TRIM16: variants seen among roughly 807,000 people sequenced by gnomAD.
The protein encoded by TRIM16 is tripartite motif-containing protein 16.
In TRIM16, 33 loss-of-function variants were observed where a neutral mutation model predicts 50.4. The ratio of observed to expected loss-of-function variants is 0.65; its 90% CI spans 0.50 to 0.88. TRIM16 has a LOEUF of 0.88. TRIM16 is among the 40% of genes least tolerant of loss of function. The probability of loss-of-function intolerance (pLI) is 0.00; values close to 1 mark genes in which losing one functional copy is unlikely to be tolerated. For missense variants in TRIM16, 581 were observed against 686.8 expected, an observed-to-expected ratio of 0.85 and a Z score of 1.72; for synonymous variants, 229 against 270.7, an observed-to-expected ratio of 0.85 and a Z score of 1.51.
chr17:15,651,676 C>A lies in TRIM16; in HGVS notation c.-67G>T. On this transcript the variant is annotated 5_prime_UTR_variant, in exon 7 of 12. An upstream open reading frame in the 5' UTR loses its in-frame stop. Coordinates refer to ENST00000649191, the MANE Select transcript of TRIM16 (RefSeq NM_001348119.1). ...GGCCCAGGATCTGTGCAGCCCAAGT[C>A]AGACAAGAGAACCACGCCTAGATGA... 1.3e-6 allele frequency: 2 copies of A among 1,566,872 alleles called. No individual in the cohort carries two copies. The highest frequency in any genetic ancestry group is 2.3e-5 in the South Asian group (2 of 86,816).
chr17:15,674,374 A>C (rs1988841015), intron 6 of TRIM16, among the ~76,000 whole-genome samples: 1 of 152,158 alleles, frequency 6.6e-6, no homozygotes, highest in South Asian at 2.1e-4. Flanking sequence ...GTCTCAAAAA[A>C]AAAAAAGACA....
intron 9 of TRIM16, 101 bp downstream of exon 9, chr17:15,635,935 T>G: frequency 9.0e-7 from 1 of 1,108,766 alleles, no homozygotes; most frequent in Non-Finnish European, 1.3e-6. Flanking sequence ...GCACACCATT[T>G]AACAAAAAAC....
In TRIM16 at chr17:15,636,265, G is replaced by C. The variant is rs374285382; in HGVS notation, c.620C>G (p.Ser207Trp). The change falls in exon 9 of 12, where the codon TCG (serine) becomes TGG (tryptophan). Residue 207 changes from serine (S) to tryptophan (W), a missense_variant. Around this residue, in one of 3 missense-constraint regions of TRIM16, gnomAD observed 450 missense variants for 544.3 expected, o/e 0.83. Coordinates refer to ENST00000649191, the MANE Select transcript of TRIM16 (RefSeq NM_001348119.1). ...LQANQKSVLV[S>W]VSEVKAVAEM... ...AGCCACCGCTTTGACCTCTGACACC[G>C]ACACCTGGCAGGGGGTGGGGGTGGA... The C allele has an allele frequency of 6.2e-7, 1 of 1,608,416 alleles. No individual in the cohort carries two copies. The highest frequency in any genetic ancestry group is 2.3e-5 in the East Asian group (1 of 43,764).
intron 10 of TRIM16, among the ~76,000 whole-genome samples, chr17:15,632,305 A>T (rs894377670): frequency 1.3e-5 from 2 of 152,042 alleles, no homozygotes; most frequent in Non-Finnish European, 2.9e-5. Flanking sequence ...TGAACCCGGG[A>T]GGCAGAGGTT....
chr17:15,651,957 C>G lies in TRIM16; in HGVS notation c.-337-11G>C. 1 of 1,214,534 alleles carries G rather than the reference C, an allele frequency of 8.2e-7. No homozygotes were observed. Among genetic ancestry groups the G allele is most frequent in the Non-Finnish European group, 1.0e-6 (1 of 968,718 alleles). The allele number at this position is 1,214,534 out of a possible 1,614,324, so 75.2% of individuals were successfully genotyped here. A position where few individuals can be genotyped will look rare whatever the true frequency, so the allele number is the denominator to read the frequency against. On this transcript the variant is annotated splice_polypyrimidine_tract_variant and intron_variant, in intron 6 of 11. Transcript: ENST00000649191. The stretch of plus-strand genomic sequence containing the variant: ...GTCTCTGTGCCTGCTCTGGAAAGGA[C>G]AGAAGATTCCTGAGCTCTGTTATAA...
chr17:15,672,391 A>G (rs2151421749), intron 6 of TRIM16, among the ~76,000 whole-genome samples: 1 of 149,994 alleles, frequency 6.7e-6, no homozygotes, highest in Non-Finnish European at 1.5e-5. Flanking sequence ...TCCATCATGA[A>G]GGGTAAGTGT....
chr17:15,650,752 GC>G (rs928528779), intron 7 of TRIM16, among the ~76,000 whole-genome samples: 1 of 152,040 alleles, frequency 6.6e-6, no homozygotes, highest in Admixed American at 6.6e-5. Flanking sequence ...ACCGCCCTAA[GC>G]CCCCACAACT....
chr17:15,680,804 G>A (rs1033043321), intron 4 of TRIM16, 61 bp downstream of exon 4: 1 of 1,495,920 alleles, frequency 6.7e-7, no homozygotes, highest in Non-Finnish European at 8.9e-7. Context: ...TGAGAAGAGA[G>A]GAAAATCCCC....
At chr17:15,649,941 G>A (rs1200743137) in intron 7 of TRIM16, among the ~76,000 whole-genome samples, 1 of 152,116 alleles carries the variant, frequency 6.6e-6, no homozygotes, top group Non-Finnish European at 1.5e-5. Flanking sequence ...TCTATTTCTT[G>A]ATCTACCTGT....
chr17:15,682,825 A>T, intron 3 of TRIM16, 29 bp downstream of exon 3: 1 of 1,402,796 alleles, frequency 7.1e-7, no homozygotes. Context: ...GAATATTAGT[A>T]AAATCACCAC....
At chr17:15,649,461 T>C (rs1293376592) in intron 7 of TRIM16, among the ~76,000 whole-genome samples, 1 of 152,090 alleles carries the variant, frequency 6.6e-6, no homozygotes, top group Non-Finnish European at 1.5e-5. Flanking sequence ...TAATTTTTTG[T>C]ATTTTTAGTA....
chr17:15,671,533 A>T (rs987214024), intron 6 of TRIM16, among the ~76,000 whole-genome samples: 8 of 151,622 alleles, frequency 5.3e-5, no homozygotes, highest in Non-Finnish European at 5.9e-5. Context: ...CCCAGCAGTC[A>T]TCAAATATAC....
chr17:15,653,319 G>T (rs985810969), intron 6 of TRIM16, among the ~76,000 whole-genome samples: 3 of 152,174 alleles, frequency 2.0e-5, no homozygotes, highest in Admixed American at 1.3e-4. Flanking sequence ...TGAGCCAAAA[G>T]ATCTGTTTTC....
chr17:15,645,146 C>A (rs530047362), intron 7 of TRIM16, among the ~76,000 whole-genome samples: 3 of 152,182 alleles, frequency 2.0e-5, no homozygotes, highest in Admixed American at 6.5e-5. Context: ...TATCTCTAAA[C>A]TTCCATTTCT....
chr17:15,664,903 G>A (rs894563785), intron 6 of TRIM16, among the ~76,000 whole-genome samples: 6 of 152,144 alleles, frequency 3.9e-5, no homozygotes, highest in Middle Eastern at 3.4e-3. Flanking sequence ...GTGGTGGCAT[G>A]TGCCTATAAT....
intron 9 of TRIM16, 100 bp from the exon 10 acceptor site, chr17:15,632,774 G>C (rs557401331): frequency 1.3e-5 from 17 of 1,345,048 alleles, no homozygotes; most frequent in African/African-American, 2.9e-5. Context: ...AAAATGGGCT[G>C]ACGGTAATGT....
intron 7 of TRIM16, among the ~76,000 whole-genome samples, chr17:15,645,805 T>G (rs1987344845): frequency 6.6e-6 from 1 of 151,892 alleles, no homozygotes; most frequent in African/African-American, 2.4e-5. Context: ...TCACTGAGAG[T>G]GGAGCTGAGG....
chr17:15,645,023 C>T (rs1257005952), intron 7 of TRIM16, among the ~76,000 whole-genome samples: 6 of 152,078 alleles, frequency 3.9e-5, no homozygotes, highest in Non-Finnish European at 7.4e-5. Context: ...ACTATGTTGG[C>T]CAGACTGGTC....
intron 4 of TRIM16, among the ~76,000 whole-genome samples, chr17:15,679,812 C>A (rs1330955610): frequency 6.6e-6 from 1 of 152,038 alleles, no homozygotes; most frequent in Non-Finnish European, 1.5e-5. Flanking sequence ...TGGCGGGTGC[C>A]TGTAGTCCCA....
Sources: allele counts gnomAD v4.1 joint callset (sites outside exome capture counted in the v4.1 genomes callset), GRCh38; gene constraint gnomAD v4.1.1; regional missense constraint gnomAD v4.1.1; transcripts MANE v1.5; gene names NCBI Gene and HGNC (gene_info 2026-07-23, HGNC 2026-07-21).